Variants in VLDLR observed in about 807,000 individuals in gnomAD.
The protein encoded by VLDLR is very low density lipoprotein receptor.
In VLDLR, 81 loss-of-function variants were observed where a neutral mutation model predicts 112.7. The ratio of observed to expected loss-of-function variants is 0.72; its 90% CI spans 0.60 to 0.86. The LOEUF (loss-of-function observed/expected upper bound fraction) is 0.86, where lower values mean the gene tolerates loss of function less well. Among genes scored for constraint, VLDLR ranks in the 40% least tolerant of loss-of-function variants. The pLI, the probability that VLDLR is intolerant of heterozygous loss-of-function variation, is 0.00. For synonymous variants in VLDLR, 436 were observed against 384.8 expected, an observed-to-expected ratio of 1.13 and a Z score of -1.56; for missense variants, 1,237 against 1,099.4, an observed-to-expected ratio of 1.13 and a Z score of -1.77.
In VLDLR at chr9:2,651,592, A is replaced by G. The variant is rs1274232419; in HGVS notation, c.2335+94A>G. On this transcript the variant is annotated intron_variant, in intron 16 of 18. Transcript: ENST00000382100. Reference sequence around the variant, plus strand: ...ATAATTAATGCAGCCTTTAACTACTATTTCTGCCCCAATTGGTAACCTATA... The same window carrying G: ...ATAATTAATGCAGCCTTTAACTACTGTTTCTGCCCCAATTGGTAACCTATA... The G allele has an allele frequency of 4.2e-6, 5 of 1,180,494 alleles. No individual in the cohort carries two copies. In the African/African-American group the frequency reaches 4.6e-5, roughly 11 times the overall value. The allele number at this position is 1,180,494 out of a possible 1,614,324, so 73.1% of individuals were successfully genotyped here.
At chr9:2,650,634 T>C (rs902868648) in intron 15 of VLDLR, 118 bp downstream of exon 15, 8 of 1,386,166 alleles carry the variant, frequency 5.8e-6, no homozygotes, top group Non-Finnish European at 7.9e-6. Flanking sequence ...TTTGAGAAGA[T>C]ATCTGCTATT....
Position 2,655,920 on chromosome 9 carries a change from C to T in VLDLR, c.*2052C>T, listed in dbSNP as rs1207781603. The T allele has an allele frequency of 6.6e-6, 1 of 151,750 alleles. No homozygotes were observed. The highest frequency in any genetic ancestry group is 2.4e-5 in the African/African-American group (1 of 41,216). The allele number at this position is 151,750 out of a possible 1,614,324, so 9.4% of individuals were successfully genotyped here. On this transcript the variant is annotated 3_prime_UTR_variant, in exon 19 of 19. Transcript: ENST00000382100. ...AAGCCATTTCAGAGTTTGGCTGCTG[C>T]TCTGACCCTGCTGTGGTACAAAAAA... is the stretch of plus-strand genomic sequence containing the variant.
Position 2,643,964 on chromosome 9 carries a change from G to C in VLDLR, c.1066+5G>C. On this transcript the variant is annotated splice_donor_5th_base_variant and intron_variant, in intron 7 of 18. Coordinates refer to ENST00000382100, the MANE Select transcript of VLDLR (RefSeq NM_003383.5). Reference sequence around the variant, plus strand: ...ATGAGCCCCTGAAAGAGTGTCGTAAGTGTACTTGTTGTTCAAGTACAGATC... The same window carrying C: ...ATGAGCCCCTGAAAGAGTGTCGTAACTGTACTTGTTGTTCAAGTACAGATC... The C allele has an allele frequency of 6.2e-7, 1 of 1,613,992 alleles. No homozygotes were observed. The highest frequency in any genetic ancestry group is 8.5e-7 in the Non-Finnish European group (1 of 1,180,006).
rs749734323 is a variant in VLDLR, at chr9:2,639,855, G to A, written c.203-4G>A. The A allele has an allele frequency of 1.2e-6, 2 of 1,613,970 alleles. No individual in the cohort carries two copies. The highest frequency in any genetic ancestry group is 1.3e-5 in the African/African-American group (1 of 74,878). ...ACTTTAACCCTTCAAATAAACGTTT[G>A]TAGTAAAGAAGACGTGTGCTGAATC... is the stretch of plus-strand genomic sequence containing the variant. On this transcript the variant is annotated splice_polypyrimidine_tract_variant and splice_region_variant and intron_variant, in intron 2 of 18. Coordinates refer to ENST00000382100, the MANE Select transcript of VLDLR (RefSeq NM_003383.5).
Position 2,649,168 on chromosome 9 carries a change from A to G in VLDLR, c.2104+358A>G, listed in dbSNP as rs551416915. 7.7e-4 allele frequency among the ~76,000 whole-genome samples: 117 copies of G among 152,234 alleles called. 1 individual carries two copies. In the Middle Eastern group the frequency reaches 0.01, roughly 13 times the overall value. On this transcript the variant is annotated intron_variant, in intron 14 of 18. Transcript: ENST00000382100. The stretch of plus-strand genomic sequence containing the variant: ...CTGTTAGTTTGCTAGGATTTTTGCA[A>G]TGAAGTACCACAGACTATCTTAAAC...
At chr9:2,650,564 T>C in intron 15 of VLDLR, 48 bp downstream of exon 15, 1 of 1,608,206 alleles carries the variant, frequency 6.2e-7, no homozygotes, top group South Asian at 1.1e-5. Context: ...CAACAAGCAA[T>C]ATAATAAGAC....
chr9:2,636,084 A>T (rs1249682295), intron 2 of VLDLR, among the ~76,000 whole-genome samples: 1 of 152,206 alleles, frequency 6.6e-6, no homozygotes, highest in Non-Finnish European at 1.5e-5. Context: ...AAGCATTAGC[A>T]GGGCGGAAGA....
chr9:2,623,239 G>A (rs1225441767), intron 1 of VLDLR, among the ~76,000 whole-genome samples: 1 of 152,110 alleles, frequency 6.6e-6, no homozygotes, highest in Non-Finnish European at 1.5e-5. Context: ...TGGGGGCCCC[G>A]CCTGGTCGTC....
chr9:2,647,525 A>C lies in VLDLR; in HGVS notation c.1755A>C (p.Gly585=), dbSNP rs372963310. ...WGEPAKIEKA[G]MNGFDRRPLV... ...AACCAGCTAAAATAGAAAAAGCAGG[A>C]ATGAATGGATTCGATAGACGTCCAC... The change falls in exon 12 of 19, where the codon GGA becomes GGC. Residue 585 remains glycine, a synonymous_variant. Coordinates refer to ENST00000382100, the MANE Select transcript of VLDLR (RefSeq NM_003383.5). The C allele has an allele frequency of 1.7e-5, 28 of 1,614,088 alleles. No individual in the cohort carries two copies. The highest frequency in any genetic ancestry group is 2.4e-5 in the Non-Finnish European group (28 of 1,180,032).
chr9:2,647,060 C>T (rs578009297), intron 11 of VLDLR, among the ~76,000 whole-genome samples: 1 of 152,224 alleles, frequency 6.6e-6, no homozygotes, highest in South Asian at 2.1e-4. Context: ...CACTAAGTAA[C>T]ATAGAAGAGC....
In VLDLR at chr9:2,643,530, T is replaced by C. The variant is rs1028624473; in HGVS notation, c.819T>C (p.Cys273=). Residue 273 remains cysteine, a splice_region_variant and synonymous_variant, in exon 5 of 19, where the codon TGT becomes TGC. Coordinates refer to ENST00000382100, the MANE Select transcript of VLDLR (RefSeq NM_003383.5). ...AGGATGGCAGTGATGAGGTCAACTGTCGTAAGTAGCTTTCTAGCATGGCAT... is the reference window on the plus strand; with the variant it reads ...AGGATGGCAGTGATGAGGTCAACTGCCGTAAGTAGCTTTCTAGCATGGCAT... ...DCKDGSDEVN[C]PSRTCRPDQF... The C allele has an allele frequency of 6.2e-7, 1 of 1,614,080 alleles. No individual in the cohort carries two copies. The highest frequency in any genetic ancestry group is 1.3e-5 in the African/African-American group (1 of 74,922).
At chr9:2,622,318 G>T (rs1036188333) in intron 1 of VLDLR, 47 bp downstream of exon 1, 4 of 1,419,906 alleles carry the variant, frequency 2.8e-6, no homozygotes, top group Non-Finnish European at 2.8e-6. Context: ...CCCAGCCGGG[G>T]CACCGGGAGA....
At chr9:2,641,543 C>G in intron 4 of VLDLR, 44 bp downstream of exon 4, 1 of 1,612,678 alleles carries the variant, frequency 6.2e-7, no homozygotes, top group Non-Finnish European at 8.5e-7. Context: ...AGACCCTTTT[C>G]CTAAAGGAAG....
rs1818517491 is a variant in VLDLR, at chr9:2,654,630, T to G, written c.*762T>G. On this transcript the variant is annotated 3_prime_UTR_variant, in exon 19 of 19. Coordinates refer to ENST00000382100, the MANE Select transcript of VLDLR (RefSeq NM_003383.5). ...CTTACACCCTAGCACAGTTAAAAAA[T>G]GAAGTACTGTTTAACATTTGCTCCC... The G allele has an allele frequency of 6.6e-6, 1 of 152,222 alleles. No individual in the cohort carries two copies. Among genetic ancestry groups the G allele is most frequent in the African/African-American group, 2.4e-5 (1 of 41,446 alleles). The allele number at this position is 152,222 out of a possible 1,614,324, so 9.4% of individuals were successfully genotyped here.
intron 7 of VLDLR, 145 bp from the exon 8 acceptor site, chr9:2,644,589 C>A (rs1036653588): frequency 1.0e-6 from 1 of 1,001,726 alleles, no homozygotes; most frequent in Admixed American, 2.3e-5. Context: ...GAAATATATA[C>A]CTATAAAATA....
intron 2 of VLDLR, among the ~76,000 whole-genome samples, chr9:2,639,160 C>A (rs931643003): frequency 6.6e-6 from 1 of 152,170 alleles, no homozygotes; most frequent in Non-Finnish European, 1.5e-5. Flanking sequence ...AAATTTATTT[C>A]TCATAGTTGT....
intron 12 of VLDLR, chr9:2,647,803 G>GC: frequency 4.7e-6 from 3 of 638,058 alleles, no homozygotes; most frequent in Non-Finnish European, 8.4e-6. Context: ...GTCCAGCTGG[G>GC]CCTAATATGT....
In VLDLR at chr9:2,655,115, A is replaced by G. The variant is rs1408066965; in HGVS notation, c.*1247A>G. The G allele has an allele frequency of 6.6e-6, 1 of 152,210 alleles. No homozygotes were observed. The highest frequency in any genetic ancestry group is 2.4e-5 in the African/African-American group (1 of 41,454). 9.4% of individuals were successfully genotyped at this position (152,210 alleles called of 1,614,324 possible). On this transcript the variant is annotated 3_prime_UTR_variant, in exon 19 of 19. Transcript: ENST00000382100. ...TGCTTTCATAAGCCCTTCAGGCGATACTGATGTAAACTAAAGCTTAAAAAC... is the reference window on the plus strand; with the variant it reads ...TGCTTTCATAAGCCCTTCAGGCGATGCTGATGTAAACTAAAGCTTAAAAAC...
At chr9:2,639,079 C>T (rs34647893) in intron 2 of VLDLR, among the ~76,000 whole-genome samples, 5,142 of 152,202 alleles carry the variant, frequency 0.034, 298 homozygotes, top group African/African-American at 0.12. Flanking sequence ...AGGGGATGCC[C>T]CTTGAACAGT....
Sources: gnomAD v4.1 joint callset for allele counts (sites outside exome capture counted in the v4.1 genomes callset) on GRCh38, gnomAD v4.1.1 for gene constraint, MANE v1.5 for transcripts, NCBI Gene and HGNC (gene_info 2026-07-23, HGNC 2026-07-21) for gene names.